The following CCNK variants were observed in gnomAD, a reference collection of about 807,000 sequenced individuals.
The protein encoded by CCNK is cyclin-K.
CCNK carries 9 observed loss-of-function variants against 65.0 expected under a neutral mutation model. The ratio of observed to expected loss-of-function variants is 0.14; its 90% CI spans 0.08 to 0.24. The LOEUF is 0.24. Among genes scored for constraint, CCNK ranks in the 10% least tolerant of loss-of-function variants. CCNK has a pLI of 1.00. For missense variants in CCNK, 474 were observed against 720.0 expected, an observed-to-expected ratio of 0.66 and a Z score of 3.91; for synonymous variants, 279 against 270.8, an observed-to-expected ratio of 1.03 and a Z score of -0.30.
At position 99,504,044 on chromosome 14, in the gene CCNK, ACCAGCCCGGC is replaced by A. The variant is rs1239420231; in HGVS notation, c.1045+408_1045+417del. 20 of 374,128 alleles carry A rather than the reference ACCAGCCCGGC, an allele frequency of 5.3e-5. No homozygotes were observed. In the Admixed American group the frequency reaches 7.1e-4, roughly 13 times the overall value. 23.2% of individuals were successfully genotyped at this position (374,128 alleles called of 1,614,324 possible). A position where few individuals can be genotyped will look rare whatever the true frequency, so the allele number is the denominator to read the frequency against. The stretch of plus-strand genomic sequence containing the variant: ...GGGGGTGGTGTGCTGCCCGGACAGC[ACCAGCCCGGC>A]CCAGCCCAGCTGCCCTTGCAGGCAA... On this transcript the variant is annotated intron_variant, in intron 9 of 10. Coordinates refer to ENST00000389879, the MANE Select transcript of CCNK (RefSeq NM_001099402.2).
At chr14:99,495,323 GA>G (rs1184165920) in intron 3 of CCNK, 174 bp from the exon 4 acceptor site, 2 of 375,078 alleles carry the variant, frequency 5.3e-6, no homozygotes, top group East Asian at 8.4e-5. Context: ...GAGTTTGGGG[GA>G]TTTATATGTA....
At chr14:99,488,405 G>A (rs769137435) in intron 1 of CCNK, among the ~76,000 whole-genome samples, 8 of 152,060 alleles carry the variant, frequency 5.3e-5, no homozygotes, top group African/African-American at 1.2e-4. Context: ...TGAAGAGACC[G>A]GGTCAGTTGT....
At chr14:99,493,080 C>T (rs1215993455) in intron 2 of CCNK, 4 of 538,660 alleles carry the variant, frequency 7.4e-6, no homozygotes, top group Non-Finnish European at 1.3e-5. Flanking sequence ...AGGAGGTGGC[C>T]AGCCAGGAGG....
chr14:99,490,773 A>C (rs1414700987), intron 1 of CCNK, among the ~76,000 whole-genome samples: 1 of 151,964 alleles, frequency 6.6e-6, no homozygotes, highest in Non-Finnish European at 1.5e-5. Flanking sequence ...TAAAAATACA[A>C]AAAAATTAGC....
intron 1 of CCNK, among the ~76,000 whole-genome samples, chr14:99,491,572 A>C (rs1896598602): frequency 7.7e-6 from 1 of 130,602 alleles, no homozygotes; most frequent in South Asian, 2.6e-4. Context: ...TTATTAGTTC[A>C]AGCTTTTCTC....
Position 99,510,535 on chromosome 14 carries a change from T to TCCCACCCCCTACTCCTGGCTACCC in CCNK, c.1506_1529dup (p.Thr503_Pro510dup). The TCCCACCCCCTACTCCTGGCTACCC allele has an allele frequency of 2.9e-6, 1 of 339,554 alleles. No homozygotes were observed. 21.0% of individuals were successfully genotyped at this position (339,554 alleles called of 1,614,324 possible). ...CCAGCCTCCTTCCCCCCACCTGCCATCCCACCCCCTACTCCTGGCTACCCC... is the reference window on the plus strand; with the variant it reads ...CCAGCCTCCTTCCCCCCACCTGCCATCCCACCCCCTACTCCTGGCTACCCCCCACCCCCTACTCCTGGCTACCCC... On this transcript the variant is annotated inframe_insertion, in exon 11 of 11. Transcript: ENST00000389879.
At chr14:99,499,156 C>A (rs1391440958) in intron 4 of CCNK, among the ~76,000 whole-genome samples, 3 of 152,208 alleles carry the variant, frequency 2.0e-5, no homozygotes, top group Non-Finnish European at 4.4e-5. Context: ...TCTCCTGCCT[C>A]AGCTTCCCAA....
chr14:99,481,515 C>T (rs887200513), intron 1 of CCNK, 36 bp downstream of exon 1: 2 of 398,532 alleles, frequency 5.0e-6, no homozygotes, highest in African/African-American at 4.1e-5. Flanking sequence ...GCGCCGCCCA[C>T]CTCCCGCGTA....
intron 3 of CCNK, chr14:99,494,617 G>C (rs1319804087): frequency 3.3e-5 from 5 of 152,274 alleles, no homozygotes; most frequent in Non-Finnish European, 4.4e-5. Flanking sequence ...GGAAGGATTG[G>C]AGTGGGCAAA....
At chr14:99,503,184 G>C (rs1896882785) in intron 8 of CCNK, 200 bp downstream of exon 8, 2 of 719,776 alleles carry the variant, frequency 2.8e-6, no homozygotes, top group Middle Eastern at 3.6e-4. Flanking sequence ...AGAACCAGGA[G>C]GGGGCTCTCT....
rs139476012 is a variant in CCNK at position 99,493,420 on chromosome 14, TTTG to T, written c.198-82_198-80del. On this transcript the variant is annotated intron_variant, in intron 2 of 10. Coordinates refer to ENST00000389879, the MANE Select transcript of CCNK (RefSeq NM_001099402.2). ...TAATATTGTTTACTTTACCATTGATTTTGTTGTTGTTGTTTGTCTTTTTGTTTT... is the reference window on the plus strand; with the variant it reads ...TAATATTGTTTACTTTACCATTGATTTTGTTGTTGTTTGTCTTTTTGTTTT... 2.9e-3 allele frequency: 2,104 copies of T among 714,754 alleles called. 27 individuals carry two copies. The African/African-American group carries it at 0.031, about 11-fold the overall frequency. 44.3% of individuals were successfully genotyped at this position (714,754 alleles called of 1,614,324 possible). A position where few individuals can be genotyped will look rare whatever the true frequency, so the allele number is the denominator to read the frequency against.
rs931964755 is a variant in CCNK, at chr14:99,502,877, C to T, written c.904C>T (p.Pro302Ser). 4 of 1,613,222 alleles carry T rather than the reference C, an allele frequency of 2.5e-6. No homozygotes were observed. In the African/African-American group the frequency reaches 5.3e-5, roughly 22 times the overall value. ...GTCTCAAAGCTCCGAACCATCCCAG[C>T]CCCAGCAGAAGGACCCCCAGCAACC... Reference protein sequence around the residue: ...QPSQSSEPSQPQQKDPQQPAQ... With the variant: ...QPSQSSEPSQSQQKDPQQPAQ... The change falls in exon 8 of 11, where the codon CCC (proline) becomes TCC (serine). Residue 302 changes from proline (P) to serine (S), a missense_variant. Pro to Ser is a moderately conservative substitution (Grantham distance 74). Around this residue, in one of 6 missense-constraint regions of CCNK, gnomAD observed 229 missense variants for 275.5 expected, o/e 0.83. Transcript: ENST00000389879.
chr14:99,491,161 T>C (rs1263186936), intron 1 of CCNK, among the ~76,000 whole-genome samples: 3 of 152,196 alleles, frequency 2.0e-5, no homozygotes, highest in African/African-American at 7.2e-5. Flanking sequence ...AGTTTTGCCA[T>C]TATAAATAAC....
At chr14:99,506,969 C>CT in intron 9 of CCNK, 107 bp from the exon 10 acceptor site, 1 of 788,398 alleles carries the variant, frequency 1.3e-6, no homozygotes, top group South Asian at 1.4e-5. Flanking sequence ...TTGGTCATCT[C>CT]TGTTGTTTTT....
At chr14:99,488,611 G>A (rs1358888916) in intron 1 of CCNK, among the ~76,000 whole-genome samples, 1 of 152,162 alleles carries the variant, frequency 6.6e-6, no homozygotes, top group African/African-American at 2.4e-5. Context: ...CACATCAGAA[G>A]CCATGTAATG....
chr14:99,502,698 T>A, intron 7 of CCNK, 21 bp from the exon 8 acceptor site: 1 of 1,606,240 alleles, frequency 6.2e-7, no homozygotes, highest in Non-Finnish European at 8.5e-7. Flanking sequence ...GTGTAAAATG[T>A]AATTGTTGGC....
intron 9 of CCNK, chr14:99,504,777 A>G (rs1401889132): frequency 6.6e-6 from 1 of 152,170 alleles, no homozygotes; most frequent in Admixed American, 6.5e-5. Flanking sequence ...ATTAGCTTCA[A>G]ATTGACCGAC....
At chr14:99,499,732 C>T (rs1896780669) in intron 4 of CCNK, among the ~76,000 whole-genome samples, 1 of 152,136 alleles carries the variant, frequency 6.6e-6, no homozygotes, top group African/African-American at 2.4e-5. Flanking sequence ...TTAACGATAG[C>T]AACAGTAAAA....
intron 10 of CCNK, 35 bp downstream of exon 10, chr14:99,507,182 C>G (rs756679096): frequency 4.7e-6 from 6 of 1,270,254 alleles, no homozygotes; most frequent in Non-Finnish European, 6.9e-6. Flanking sequence ...GCCAGCTGTG[C>G]ACATCGCCTC....
Sources: allele counts gnomAD v4.1 joint callset (sites outside exome capture counted in the v4.1 genomes callset), GRCh38; gene constraint gnomAD v4.1.1; regional missense constraint gnomAD v4.1.1; transcripts MANE v1.5; gene names NCBI Gene and HGNC (gene_info 2026-07-23, HGNC 2026-07-21).